Variants in SEPTIN9 observed in about 807,000 individuals in gnomAD.
SEPTIN9 encodes septin-9.
In SEPTIN9, 13 loss-of-function variants were observed where a neutral mutation model predicts 56.6. The observed-to-expected ratio is 0.23, with a 90% confidence interval of 0.15 to 0.37. SEPTIN9 has a LOEUF of 0.37. Ranked by LOEUF, SEPTIN9 falls within the 10% of genes least tolerant of loss-of-function variation. The pLI is 1.00. For missense variants in SEPTIN9, 650 were observed against 823.1 expected, an observed-to-expected ratio of 0.79 and a Z score of 2.57; for synonymous variants, 332 against 334.1, an observed-to-expected ratio of 0.99 and a Z score of 0.07.
intron 3 of SEPTIN9, among the ~76,000 whole-genome samples, chr17:77,468,268 A>AAAAC (rs1568094834): frequency 1.6e-3 from 242 of 152,174 alleles, no homozygotes; most frequent in African/African-American, 5.5e-3. Context: ...CCATCTCAAA[A>AAAAC]AAAACAAAAC....
chr17:77,427,656 C>T (rs759632327), intron 3 of SEPTIN9, among the ~76,000 whole-genome samples: 10 of 152,200 alleles, frequency 6.6e-5, no homozygotes, highest in African/African-American at 1.7e-4. Context: ...GAGGGAAGGA[C>T]GGCAGGGGGC....
At chr17:77,345,230 A>G (rs1411638182) in intron 2 of SEPTIN9, among the ~76,000 whole-genome samples, 7 of 152,148 alleles carry the variant, frequency 4.6e-5, no homozygotes, top group Non-Finnish European at 1.5e-5. Flanking sequence ...GATGAGATGG[A>G]TGGTGGTGAT....
intron 3 of SEPTIN9, among the ~76,000 whole-genome samples, chr17:77,460,627 C>G (rs932192858): frequency 1.3e-5 from 2 of 152,150 alleles, no homozygotes; most frequent in African/African-American, 4.8e-5. Context: ...CAGGAAACCG[C>G]GGGGGCCACC....
At chr17:77,420,280 T>C (rs2036652716) in intron 3 of SEPTIN9, among the ~76,000 whole-genome samples, 2 of 152,188 alleles carry the variant, frequency 1.3e-5, no homozygotes, top group Non-Finnish European at 2.9e-5. Flanking sequence ...GGCTCAGTGA[T>C]TGGAAGCTCA....
intron 3 of SEPTIN9, among the ~76,000 whole-genome samples, chr17:77,407,124 A>G (rs542410795): frequency 6.6e-6 from 1 of 152,096 alleles, no homozygotes; most frequent in South Asian, 2.1e-4. Context: ...TTTACAAAAA[A>G]TACAAAAAAT....
chr17:77,357,749 G>A (rs2143835829), intron 2 of SEPTIN9, among the ~76,000 whole-genome samples: 2 of 152,130 alleles, frequency 1.3e-5, no homozygotes, highest in East Asian at 3.9e-4. Flanking sequence ...TGAGTAGCTG[G>A]GACCGCAGGC....
chr17:77,387,137 C>T (rs906864337), intron 2 of SEPTIN9, among the ~76,000 whole-genome samples: 10 of 152,322 alleles, frequency 6.6e-5, no homozygotes, highest in African/African-American at 1.2e-4. Flanking sequence ...ACTTTGGGGG[C>T]TGAAGATGGT....
rs1166900710 is a variant in SEPTIN9, at chr17:77,405,395, G to A, written c.721+2692G>A. 6.6e-6 allele frequency among the ~76,000 whole-genome samples: 1 copy of A among 152,208 alleles called. No homozygotes were observed. Among genetic ancestry groups the A allele is most frequent in the Non-Finnish European group, 1.5e-5 (1 of 68,032 alleles). ...GAGAAAGGCAGGCCACGTGGAGGCA[G>A]CAGCGTTCAGAGCTGCCAGGAACCT... On this transcript the variant is annotated intron_variant, in intron 3 of 11. Coordinates refer to ENST00000427177, the MANE Select transcript of SEPTIN9 (RefSeq NM_001113491.2). The surrounding 1 kb of genome is among the most constrained non-coding windows in gnomAD (Gnocchi z 5.8).
intron 2 of SEPTIN9, among the ~76,000 whole-genome samples, chr17:77,346,806 T>A (rs2033907552): frequency 6.6e-6 from 1 of 152,142 alleles, no homozygotes; most frequent in Non-Finnish European, 1.5e-5. Flanking sequence ...TGTTGGAGCT[T>A]AATCTCTGGT....
At chr17:77,442,872 T>TA (rs2037600533) in intron 3 of SEPTIN9, among the ~76,000 whole-genome samples, 1 of 150,678 alleles carries the variant, frequency 6.6e-6, no homozygotes, top group African/African-American at 2.4e-5. Context: ...GACTGTGTCT[T>TA]AAAAAAACAA....
At chr17:77,331,178 G>C (rs977537624) in intron 2 of SEPTIN9, among the ~76,000 whole-genome samples, 2 of 152,088 alleles carry the variant, frequency 1.3e-5, no homozygotes. Context: ...AACATAGCAA[G>C]GCTTTGTCTT....
At position 77,405,106 on chromosome 17, in the gene SEPTIN9, A is replaced by G. The variant is rs1054875515; in HGVS notation, c.721+2403A>G. ...AAATCTCGGTGATGGCTGGTGCTGG[A>G]TGCACAGGGACGTGGTCCTGGCTCT... On this transcript the variant is annotated intron_variant, in intron 3 of 11. Coordinates refer to ENST00000427177, the MANE Select transcript of SEPTIN9 (RefSeq NM_001113491.2). This position sits in a 1 kb window ranked among gnomAD's most constrained non-coding sequence, Gnocchi z 5.8. 3 of 1,535,406 alleles carry G rather than the reference A, an allele frequency of 2.0e-6. No homozygotes were observed. Among genetic ancestry groups the G allele is most frequent in the Non-Finnish European group, 2.6e-6 (3 of 1,146,800 alleles).
intron 2 of SEPTIN9, among the ~76,000 whole-genome samples, chr17:77,363,100 C>T (rs997803996): frequency 6.6e-6 from 1 of 152,210 alleles, no homozygotes; most frequent in African/African-American, 2.4e-5. Flanking sequence ...ACTCTGTATG[C>T]ACCAGGTGAC....
At chr17:77,364,700 C>T (rs1046609186) in intron 2 of SEPTIN9, among the ~76,000 whole-genome samples, 11 of 152,340 alleles carry the variant, frequency 7.2e-5, no homozygotes, top group Admixed American at 2.6e-4. Context: ...GGGGCAGAGA[C>T]GGGCAGGGGT....
intron 2 of SEPTIN9, among the ~76,000 whole-genome samples, chr17:77,324,895 T>C (rs536973957): frequency 6.7e-5 from 10 of 149,618 alleles, no homozygotes; most frequent in African/African-American, 2.5e-4. Context: ...CTTGGCTCAC[T>C]GCAACCTCCG....
intron 2 of SEPTIN9, among the ~76,000 whole-genome samples, chr17:77,309,624 G>A (rs908863922): frequency 6.6e-6 from 1 of 152,166 alleles, no homozygotes; most frequent in Non-Finnish European, 1.5e-5. Flanking sequence ...CTCCCCAGAA[G>A]GACGAAGGCT....
At position 77,483,038 on chromosome 17, in the gene SEPTIN9, G is replaced by A. The variant is rs138253544; in HGVS notation, c.913+703G>A. On this transcript the variant is annotated intron_variant, in intron 4 of 11. Transcript: ENST00000427177. ...CACAGGGCAGAGAACCGCAGCCACC[G>A]TTTTGACTCCCAGAACTGTGTTCTG... 1.8e-3 allele frequency: 293 copies of A among 164,520 alleles called. 2 individuals carry two copies. The highest frequency in any genetic ancestry group is 4.4e-3 in the African/African-American group (185 of 41,826). 10.2% of individuals were successfully genotyped at this position (164,520 alleles called of 1,614,324 possible).
chr17:77,337,357 T>A (rs1431867449), intron 2 of SEPTIN9, among the ~76,000 whole-genome samples: 1 of 152,188 alleles, frequency 6.6e-6, no homozygotes, highest in African/African-American at 2.4e-5. Context: ...AAGTCCAACT[T>A]GCTTATGAGA....
chr17:77,454,359 G>T, intron 3 of SEPTIN9: 1 of 985,522 alleles, frequency 1.0e-6, no homozygotes, highest in Non-Finnish European at 1.2e-6. Context: ...CCGGTTCCCG[G>T]ACAGGTAGGG....
Sources: allele counts gnomAD v4.1 joint callset (sites outside exome capture counted in the v4.1 genomes callset), GRCh38; gene constraint gnomAD v4.1.1; non-coding constraint Gnocchi (gnomAD v3.1); transcripts MANE v1.5; gene names NCBI Gene and HGNC (gene_info 2026-07-23, HGNC 2026-07-21).